AVEN: variants seen among roughly 807,000 people sequenced by gnomAD.
AVEN encodes the protein cell death regulator Aven.
AVEN carries 41 observed loss-of-function variants against 38.1 expected under a neutral mutation model. The ratio of observed to expected loss-of-function variants is 1.08; its 90% confidence interval spans 0.84 to 1.40. The LOEUF is 1.40. AVEN is among the 40% of genes most tolerant of loss of function. The pLI is 0.00. For synonymous variants in AVEN, 206 were observed against 171.8 expected, an observed-to-expected ratio of 1.20 and a Z score of -1.56; for missense variants, 605 against 438.8, an observed-to-expected ratio of 1.38 and a Z score of -3.38.
intron 2 of AVEN, among the ~76,000 whole-genome samples, chr15:33,929,578 G>C (rs902351978): frequency 6.6e-6 from 1 of 152,140 alleles, no homozygotes; most frequent in Non-Finnish European, 1.5e-5. Flanking sequence ...ACTTTCAACT[G>C]TTTAAACCAC....
At chr15:33,877,201 C>T (rs7171854) in intron 2 of AVEN, among the ~76,000 whole-genome samples, 14,225 of 152,062 alleles carry the variant, frequency 0.094, 2,037 homozygotes, top group African/African-American at 0.31. Flanking sequence ...GTTTTTTCTT[C>T]TTTTTAAATT....
At chr15:33,880,555 G>C (rs1387123128) in intron 2 of AVEN, among the ~76,000 whole-genome samples, 1 of 152,186 alleles carries the variant, frequency 6.6e-6, no homozygotes, top group African/African-American at 2.4e-5. Flanking sequence ...CCCTCACCAA[G>C]TCTGAGGTCC....
At chr15:33,919,607 T>C (rs1010868782) in intron 2 of AVEN, among the ~76,000 whole-genome samples, 6 of 152,206 alleles carry the variant, frequency 3.9e-5, no homozygotes, top group African/African-American at 1.4e-4. Context: ...ACCATATGAA[T>C]TCTGTCCACT....
chr15:33,993,439 T>C (rs1896808985), intron 2 of AVEN, among the ~76,000 whole-genome samples: 1 of 152,024 alleles, frequency 6.6e-6, no homozygotes, highest in Non-Finnish European at 1.5e-5. Flanking sequence ...TCACTGTCAG[T>C]GGTCAGAAAC....
chr15:33,854,879 C>T (rs755499632), downstream of AVEN: 5 of 1,612,684 alleles, frequency 3.1e-6, no homozygotes, highest in South Asian at 5.5e-5. Flanking sequence ...CACTGAGGAC[C>T]ATTCTGTCAT....
upstream of AVEN, among the ~76,000 whole-genome samples, chr15:34,042,425 A>G (rs374803990): frequency 1.7e-5 from 2 of 120,720 alleles, no homozygotes; most frequent in African/African-American, 6.7e-5. Flanking sequence ...TTTGAGACGG[A>G]GTTTCGCACT....
intron 2 of AVEN, among the ~76,000 whole-genome samples, chr15:33,899,425 T>A (rs1243143155): frequency 6.6e-6 from 1 of 150,874 alleles, no homozygotes; most frequent in Non-Finnish European, 1.5e-5. Flanking sequence ...CAACATTGAT[T>A]CAAAGTGTTT....
At chr15:33,866,978 T>C (rs1485895671) in intron 5 of AVEN, among the ~76,000 whole-genome samples, 2 of 152,186 alleles carry the variant, frequency 1.3e-5, no homozygotes, top group Non-Finnish European at 2.9e-5. Context: ...CTTTTTACTA[T>C]TATTATTGCA....
At chr15:34,017,489 T>TG (rs1897976094) in intron 1 of AVEN, among the ~76,000 whole-genome samples, 2 of 80,168 alleles carry the variant, frequency 2.5e-5, no homozygotes, top group Admixed American at 1.4e-4. Flanking sequence ...TTTTTGTTTT[T>TG]TTTTTTTTTT....
chr15:33,932,838 C>CAAATAAATAAAT lies in AVEN; in HGVS notation c.446-56855_446-56844dup, dbSNP rs542804184. On this transcript the variant is annotated intron_variant, in intron 2 of 5. Coordinates refer to ENST00000306730, the MANE Select transcript of AVEN (RefSeq NM_020371.3). ...AAGACTCCATCACAAAATAAACAAA[C>CAAATAAATAAAT]AAATAAATAAATAAATAAATAAATA... Among the ~76,000 whole-genome samples, 937 of 147,100 alleles carry CAAATAAATAAAT rather than the reference C, an allele frequency of 6.4e-3. 9 individuals are homozygous for CAAATAAATAAAT. The highest frequency in any genetic ancestry group is 0.019 in the African/African-American group (759 of 39,988).
chr15:33,871,724 T>C (rs1890959166), intron 3 of AVEN, among the ~76,000 whole-genome samples: 1 of 143,650 alleles, frequency 7.0e-6, no homozygotes, highest in South Asian at 2.2e-4. Flanking sequence ...ATTTAGGCAG[T>C]GAGAAGGGAC....
intron 2 of AVEN, among the ~76,000 whole-genome samples, chr15:33,932,684 G>T (rs1448280443): frequency 6.6e-6 from 1 of 152,068 alleles, no homozygotes. Flanking sequence ...AATTAGCTAG[G>T]TGTGGTGGCC....
chr15:33,867,716 C>T lies in AVEN; in HGVS notation c.752G>A (p.Cys251Tyr). 1 of 1,614,122 alleles carries T rather than the reference C, an allele frequency of 6.2e-7. No homozygotes were observed. The highest frequency in any genetic ancestry group is 1.1e-5 in the South Asian group (1 of 91,082). Residue 251 changes from cysteine (C) to tyrosine (Y), a missense_variant, in exon 5 of 6, where the codon TGC becomes TAC. Transcript: ENST00000306730. ...IFELKSVAAG[C>Y]PVLLGKDNPS... ...GTTGTCTTTGCCCAGCAACACAGGG[C>T]AGCCAGCAGCCACAGATTTCAGCTC...
intron 2 of AVEN, among the ~76,000 whole-genome samples, chr15:33,900,122 T>C (rs1892428389): frequency 6.6e-6 from 1 of 152,048 alleles, no homozygotes; most frequent in Non-Finnish European, 1.5e-5. Context: ...TTCCTCTTCT[T>C]CTCTCTAAGC....
At chr15:34,028,101 A>AC (rs891910966) in intron 1 of AVEN, among the ~76,000 whole-genome samples, 35 of 152,054 alleles carry the variant, frequency 2.3e-4, no homozygotes, top group East Asian at 2.1e-3. Context: ...ACACAGAGAG[A>AC]CCCCCCCTCA....
Position 33,967,672 on chromosome 15 carries a change from C to T in AVEN, c.445+35360G>A, listed in dbSNP as rs545294162. On this transcript the variant is annotated intron_variant, in intron 2 of 5. Coordinates refer to ENST00000306730, the MANE Select transcript of AVEN (RefSeq NM_020371.3). ...ATAAAGAACTCAGGCAGGGAAAAAA[C>T]GTTTAAATTTAAAATTTAAATTTTA... Among the ~76,000 whole-genome samples, 15 of 151,694 alleles carry T rather than the reference C, an allele frequency of 9.9e-5. 1 individual carries two copies. Among genetic ancestry groups the T allele is most frequent in the South Asian group, 6.2e-4 (3 of 4,810 alleles).
At chr15:34,056,797 A>C (rs1287045201) in intron 5 of AVEN, among the ~76,000 whole-genome samples, 1 of 152,156 alleles carries the variant, frequency 6.6e-6, no homozygotes, top group Non-Finnish European at 1.5e-5. Flanking sequence ...CAGGCAGATC[A>C]CTTGAGGCCA....
At chr15:33,929,011 C>T (rs924640515) in intron 2 of AVEN, among the ~76,000 whole-genome samples, 1 of 152,094 alleles carries the variant, frequency 6.6e-6, no homozygotes. Context: ...CCTCAAGAAA[C>T]TCAAAGTGAC....
At chr15:33,961,538 G>GCA (rs1567434983) in intron 2 of AVEN, among the ~76,000 whole-genome samples, 11 of 151,910 alleles carry the variant, frequency 7.2e-5, no homozygotes, top group African/African-American at 1.9e-4. Context: ...TCTGCACTGG[G>GCA]TGAGGTGGCT....
Sources: gnomAD v4.1 joint callset for allele counts (sites outside exome capture counted in the v4.1 genomes callset) on GRCh38, gnomAD v4.1.1 for gene constraint, MANE v1.5 for transcripts, NCBI Gene and HGNC (gene_info 2026-07-23, HGNC 2026-07-21) for gene names.